Variants in MAGI1 observed in about 807,000 individuals in gnomAD.
The protein encoded by MAGI1 is membrane-associated guanylate kinase, WW and PDZ domain-containing protein 1.
MAGI1 carries 58 observed loss-of-function variants against 139.9 expected under a neutral mutation model. That is an observed-to-expected ratio of 0.41 (90% CI 0.34 to 0.52). The LOEUF (loss-of-function observed/expected upper bound fraction) is 0.52, where lower values mean the gene tolerates loss of function less well. MAGI1 is among the 20% of genes least tolerant of loss of function. The pLI, the probability that MAGI1 is intolerant of heterozygous loss-of-function variation, is 0.12. For missense variants in MAGI1, 1,874 were observed against 1,901.6 expected, an observed-to-expected ratio of 0.99 and a Z score of 0.27; for synonymous variants, 812 against 737.9, an observed-to-expected ratio of 1.10 and a Z score of -1.63.
At chr3:65,563,590 C>T (rs2080470896) in intron 2 of MAGI1, among the ~76,000 whole-genome samples, 1 of 152,204 alleles carries the variant, frequency 6.6e-6, no homozygotes, top group Non-Finnish European at 1.5e-5. Flanking sequence ...CCTGCCAAAA[C>T]CCAGTGTGAA....
chr3:65,561,253 C>T (rs117935976), intron 2 of MAGI1, among the ~76,000 whole-genome samples: 3,807 of 152,232 alleles, frequency 0.025, 79 homozygotes, highest in Admixed American at 0.049. Flanking sequence ...TAGCAGAAAG[C>T]TCATTTTATT....
At chr3:65,891,260 A>T (rs1371434578) in intron 1 of MAGI1, among the ~76,000 whole-genome samples, 4 of 152,110 alleles carry the variant, frequency 2.6e-5, no homozygotes, top group Admixed American at 6.5e-5. Context: ...AAGAAGAAAA[A>T]AACTATTCTA....
At chr3:65,425,042 C>T (rs1946909217) in intron 12 of MAGI1, among the ~76,000 whole-genome samples, 2 of 147,666 alleles carry the variant, frequency 1.4e-5, no homozygotes, top group Admixed American at 1.4e-4. Flanking sequence ...TGCACTCCAG[C>T]CTGGGCAAAA....
intron 1 of MAGI1, among the ~76,000 whole-genome samples, chr3:65,830,452 G>A (rs1034274872): frequency 6.6e-6 from 1 of 151,984 alleles, no homozygotes; most frequent in African/African-American, 2.4e-5. Context: ...GTTCAACCAC[G>A]GCTCCAGTAA....
At chr3:65,907,399 A>C (rs1343252214) in intron 1 of MAGI1, among the ~76,000 whole-genome samples, 1 of 152,204 alleles carries the variant, frequency 6.6e-6, no homozygotes, top group Non-Finnish European at 1.5e-5. Flanking sequence ...ACCAAGACTT[A>C]AACCCAGGTC....
At chr3:65,891,344 T>C (rs557606537) in intron 1 of MAGI1, among the ~76,000 whole-genome samples, 2 of 152,148 alleles carry the variant, frequency 1.3e-5, no homozygotes, top group Non-Finnish European at 2.9e-5. Context: ...AGAAGTCATT[T>C]ACTGAGCACC....
chr3:65,850,426 G>T (rs965735325), intron 1 of MAGI1, among the ~76,000 whole-genome samples: 1 of 152,094 alleles, frequency 6.6e-6, no homozygotes, highest in Non-Finnish European at 1.5e-5. Flanking sequence ...GGGTAAACCA[G>T]GATGGCTAGT....
At chr3:65,582,393 G>A (rs1454031333) in intron 2 of MAGI1, among the ~76,000 whole-genome samples, 1 of 152,090 alleles carries the variant, frequency 6.6e-6, no homozygotes, top group East Asian at 1.9e-4. Context: ...CTCATGGTTG[G>A]TTCAAAAAAA....
chr3:65,452,253 G>A (rs1331386292), intron 6 of MAGI1, among the ~76,000 whole-genome samples: 1 of 152,042 alleles, frequency 6.6e-6, no homozygotes, highest in Admixed American at 6.6e-5. Flanking sequence ...AACGTAATCT[G>A]CAAACCATGT....
intron 10 of MAGI1, among the ~76,000 whole-genome samples, chr3:65,434,435 T>G (rs769459188): frequency 3.3e-5 from 5 of 152,140 alleles, no homozygotes; most frequent in African/African-American, 4.8e-5. Context: ...GCTGGAGAGT[T>G]TTCATAAGAG....
intron 1 of MAGI1, among the ~76,000 whole-genome samples, chr3:66,026,092 A>C (rs1211567279): frequency 6.6e-6 from 1 of 152,058 alleles, no homozygotes; most frequent in Non-Finnish European, 1.5e-5. Context: ...TAACTCACAC[A>C]GACTTAAACA....
At chr3:65,705,494 T>TA (rs2030073023) in intron 1 of MAGI1, among the ~76,000 whole-genome samples, 1 of 152,250 alleles carries the variant, frequency 6.6e-6, no homozygotes, top group South Asian at 2.1e-4. Context: ...TTTACCCTGA[T>TA]TTGTACAAAA....
chr3:66,015,384 G>A (rs1267907230), intron 1 of MAGI1, among the ~76,000 whole-genome samples: 4 of 151,868 alleles, frequency 2.6e-5, no homozygotes, highest in Non-Finnish European at 4.4e-5. Context: ...GATAACTGTG[G>A]ACGCAGCCAA....
At chr3:65,438,033 T>A (rs932483938) in intron 9 of MAGI1, among the ~76,000 whole-genome samples, 4 of 152,186 alleles carry the variant, frequency 2.6e-5, no homozygotes, top group African/African-American at 9.6e-5. Flanking sequence ...CTACTGGGTA[T>A]CTGAAGAAAA....
intron 1 of MAGI1, among the ~76,000 whole-genome samples, chr3:65,702,040 A>G (rs1431153409): frequency 4.6e-5 from 7 of 152,000 alleles, no homozygotes; most frequent in Admixed American, 4.6e-4. Context: ...CCCTTAGGAA[A>G]TCTACCCCCT....
chr3:65,379,637 T>C (rs1362891263), intron 16 of MAGI1, 83 bp from the exon 17 acceptor site: 23 of 1,535,720 alleles, frequency 1.5e-5, no homozygotes, highest in Non-Finnish European at 2.0e-5. Context: ...CAGCAACTCC[T>C]GCTAGAAATC....
intron 2 of MAGI1, among the ~76,000 whole-genome samples, chr3:65,526,789 C>T (rs2078403004): frequency 6.6e-6 from 1 of 152,124 alleles, no homozygotes; most frequent in Admixed American, 6.6e-5. Flanking sequence ...TTGTGGGTAA[C>T]TTGGTGATTA....
intron 1 of MAGI1, among the ~76,000 whole-genome samples, chr3:65,713,144 T>C (rs888338058): frequency 7.9e-5 from 12 of 152,212 alleles, no homozygotes; most frequent in Non-Finnish European, 1.2e-4. Context: ...TTTCTGTTCA[T>C]TGGCATTTGC....
chr3:65,674,822 T>C (rs1343770346), intron 1 of MAGI1, among the ~76,000 whole-genome samples: 1 of 152,120 alleles, frequency 6.6e-6, no homozygotes, highest in Admixed American at 6.5e-5. Context: ...GCTTAATCAA[T>C]TACAGATCAA....
Sources: gnomAD v4.1 joint callset for allele counts (sites outside exome capture counted in the v4.1 genomes callset) on GRCh38, gnomAD v4.1.1 for gene constraint, MANE v1.5 for transcripts, NCBI Gene and HGNC (gene_info 2026-07-23, HGNC 2026-07-21) for gene names.